Variants in USPL1 observed in about 807,000 individuals in gnomAD.
USPL1 encodes the protein SUMO-specific isopeptidase USPL1.
In USPL1, 27 loss-of-function variants were observed where a neutral mutation model predicts 51.5. The observed-to-expected ratio is 0.52, with a 90% CI of 0.39 to 0.72. USPL1 has a LOEUF of 0.72. Among genes scored for constraint, USPL1 ranks in the 30% least tolerant of loss-of-function variants. The pLI is 0.00. For synonymous variants in USPL1, 451 were observed against 459.6 expected, an observed-to-expected ratio of 0.98 and a Z score of 0.24; for missense variants, 1,226 against 1,268.0, an observed-to-expected ratio of 0.97 and a Z score of 0.50.
intron 2 of USPL1, 121 bp from the exon 3 acceptor site, chr13:30,621,643 C>A (rs1950648252): frequency 2.7e-6 from 2 of 750,038 alleles, no homozygotes; most frequent in Non-Finnish European, 3.8e-6. Context: ...TTTAAAATAC[C>A]TTGTCAGGAT....
rs896787454 is a variant in USPL1 at position 30,648,904 on chromosome 13, C to T, written c.1238+1847C>T. Among the ~76,000 whole-genome samples the T allele has an allele frequency of 1.1e-4, 17 of 152,242 alleles. No individual in the cohort carries two copies. The East Asian group carries it at 2.1e-3, about 19-fold the overall frequency. On this transcript the variant is annotated intron_variant, in intron 7 of 8. Transcript: ENST00000255304. ...GCAGAGCATGGGGTCTGCCATCCTGCCTTGGACCATGGCCTGCTTTAGGCT... is the reference window on the plus strand; with the variant it reads ...GCAGAGCATGGGGTCTGCCATCCTGTCTTGGACCATGGCCTGCTTTAGGCT...
chr13:30,639,586 G>T (rs1950920297), intron 5 of USPL1, among the ~76,000 whole-genome samples: 1 of 151,934 alleles, frequency 6.6e-6, no homozygotes, highest in African/African-American at 2.4e-5. Flanking sequence ...TTTATATCAA[G>T]GTGTAATTTA....
chr13:30,631,076 G>C lies in USPL1; in HGVS notation c.470G>C (p.Ser157Thr), dbSNP rs147711019. 8.9e-5 allele frequency: 143 copies of C among 1,614,002 alleles called. 1 individual carries two copies. The highest frequency in any genetic ancestry group is 1.9e-5 in the Non-Finnish European group (23 of 1,180,032). ...DETSSNLPDS[S>T]GQQNPIRTAD... ...ACCTCGTCAAACTTACCTGATAGTAGTGGTCAACAGAATCCAATTAGGACA... is the reference window on the plus strand; with the variant it reads ...ACCTCGTCAAACTTACCTGATAGTACTGGTCAACAGAATCCAATTAGGACA... Residue 157 changes from serine (S) to threonine (T), a missense_variant, in exon 4 of 9, where the codon AGT becomes ACT. Physicochemically the swap from Ser to Thr is moderately conservative, Grantham distance 58 (BLOSUM62 1). Transcript: ENST00000255304.
At chr13:30,651,498 A>G (rs1464414621) in intron 7 of USPL1, among the ~76,000 whole-genome samples, 1 of 152,222 alleles carries the variant, frequency 6.6e-6, no homozygotes, top group East Asian at 1.9e-4. Context: ...GTGGTTTTAC[A>G]TGCGTTATTT....
chr13:30,647,204 C>G (rs1272935233), intron 7 of USPL1, 147 bp downstream of exon 7: 1 of 941,564 alleles, frequency 1.1e-6, no homozygotes, highest in Non-Finnish European at 1.6e-6. Context: ...CTGCCTCGCT[C>G]TATCTGGCCA....
Position 30,631,038 on chromosome 13 carries a change from A to T in USPL1, c.432A>T (p.Glu144Asp). The change falls in exon 4 of 9, where the codon GAA becomes GAT. Residue 144 changes from glutamate (E) to aspartate (D), a missense_variant. Glu to Asp is a conservative substitution (Grantham distance 45). Transcript: ENST00000255304. ...GKVLNSKHNG[E>D]VYDETSSNLP... ...TTTTGAACAGCAAACATAATGGAGAAGTATATGACGAAACCTCGTCAAACT... is the reference window on the plus strand; with the variant it reads ...TTTTGAACAGCAAACATAATGGAGATGTATATGACGAAACCTCGTCAAACT... 1 of 1,614,174 alleles carries T rather than the reference A, an allele frequency of 6.2e-7. No individual in the cohort carries two copies. Among genetic ancestry groups the T allele is most frequent in the Non-Finnish European group, 8.5e-7 (1 of 1,180,046 alleles).
intron 7 of USPL1, 39 bp from the exon 8 acceptor site, chr13:30,653,109 T>A: frequency 3.3e-6 from 5 of 1,538,198 alleles, no homozygotes; most frequent in Non-Finnish European, 4.4e-6. Context: ...ACACATGGCA[T>A]TAAATTTATT....
chr13:30,657,641 G>C lies in USPL1; in HGVS notation c.1564G>C (p.Ala522Pro), dbSNP rs17609459. The change falls in exon 9 of 9, where the codon GCT becomes CCT. Residue 522 changes from alanine (A) to proline (P), a missense_variant. Transcript: ENST00000255304. ...ACTTAAAAAGACTAATGACCAACAC[G>C]CTCTCAGTAATGAGAAACCAGTATC... ...LPLKKTNDQHALSNEKPVSLT... is the reference protein window; with the variant it reads ...LPLKKTNDQHPLSNEKPVSLT... 0.018 allele frequency: 29,341 copies of C among 1,614,146 alleles called. 345 individuals carry two copies. The highest frequency in any genetic ancestry group is 0.031 in the Middle Eastern group (188 of 6,060).
Position 30,631,185 on chromosome 13 carries a change from C to G in USPL1, c.579C>G (p.Val193=), listed in dbSNP as rs377019860. ...ATTKDPATVD[V]SGTGRPSPQN... is the part of the protein sequence containing the mutation. ...CAAAAGATCCTGCTACAGTTGATGT[C>G]TCTGGAACTGGCAGACCTTCCCCTC... Residue 193 remains valine, a synonymous_variant, in exon 4 of 9, where the codon GTC becomes GTG. Coordinates refer to ENST00000255304, the MANE Select transcript of USPL1 (RefSeq NM_005800.5). The G allele has an allele frequency of 6.2e-7, 1 of 1,614,184 alleles. No individual in the cohort carries two copies.
Position 30,659,455 on chromosome 13 carries a change from T to A in USPL1, c.*99T>A. On this transcript the variant is annotated 3_prime_UTR_variant, in exon 9 of 9. Coordinates refer to ENST00000255304, the MANE Select transcript of USPL1 (RefSeq NM_005800.5). ...TTATACACTGGACTTGTGTAATTACTTGTGTAATAACCATGAACAAAATGC... is the reference window on the plus strand; with the variant it reads ...TTATACACTGGACTTGTGTAATTACATGTGTAATAACCATGAACAAAATGC... 9.1e-7 allele frequency: 1 copy of A among 1,093,958 alleles called. No homozygotes were observed. Among genetic ancestry groups the A allele is most frequent in the South Asian group, 1.9e-5 (1 of 53,086 alleles). 67.8% of individuals were successfully genotyped at this position (1,093,958 alleles called of 1,614,324 possible). A position where few individuals can be genotyped will look rare whatever the true frequency, so the allele number is the denominator to read the frequency against.
chr13:30,648,316 A>T (rs182135417), intron 7 of USPL1, among the ~76,000 whole-genome samples: 252 of 152,272 alleles, frequency 1.7e-3, no homozygotes, highest in African/African-American at 5.8e-3. Context: ...CAGATGCTTC[A>T]CAGTTTTTTA....
chr13:30,634,722 T>A (rs145285369), intron 4 of USPL1, among the ~76,000 whole-genome samples: 16 of 152,320 alleles, frequency 1.1e-4, no homozygotes, highest in African/African-American at 3.4e-4. Flanking sequence ...AACAAAGGAA[T>A]GGAAAATTAT....
intron 6 of USPL1, among the ~76,000 whole-genome samples, chr13:30,645,188 C>T (rs1951001545): frequency 6.6e-6 from 1 of 152,178 alleles, no homozygotes; most frequent in African/African-American, 2.4e-5. Flanking sequence ...ATATAAATAA[C>T]CTTGCTGATT....
intron 7 of USPL1, 55 bp from the exon 8 acceptor site, chr13:30,653,093 A>C (rs1241134571): frequency 2.1e-5 from 31 of 1,503,390 alleles, no homozygotes; most frequent in Non-Finnish European, 2.7e-5. Context: ...TCTTTTGTAT[A>C]ATCAGACACA....
chr13:30,623,642 T>A (rs1950672982), intron 3 of USPL1, among the ~76,000 whole-genome samples: 1 of 152,182 alleles, frequency 6.6e-6, no homozygotes, highest in African/African-American at 2.4e-5. Flanking sequence ...CATACTATTG[T>A]GGTGACTTAG....
chr13:30,632,757 G>A (rs967543164), intron 4 of USPL1, among the ~76,000 whole-genome samples: 2 of 152,072 alleles, frequency 1.3e-5, no homozygotes, highest in Non-Finnish European at 2.9e-5. Flanking sequence ...GTGTCTCAGG[G>A]TGTCAGGATA....
Position 30,657,448 on chromosome 13 carries a change from ACTTTCACTT to A in USPL1, c.1397-20_1397-12del. 6.4e-7 allele frequency: 1 copy of A among 1,550,856 alleles called. No homozygotes were observed. The highest frequency in any genetic ancestry group is 1.4e-5 in the African/African-American group (1 of 72,462). ...TAGGATGGTGGTTTTTGAATATCTAACTTTCACTTCTTTCCCATCTTCCAGGAAGTTGGC... is the reference window on the plus strand; with the variant it reads ...TAGGATGGTGGTTTTTGAATATCTAACTTTCCCATCTTCCAGGAAGTTGGC... On this transcript the variant is annotated splice_polypyrimidine_tract_variant and intron_variant, in intron 8 of 8. Coordinates refer to ENST00000255304, the MANE Select transcript of USPL1 (RefSeq NM_005800.5).
rs1566062618 is a variant in USPL1 at position 30,658,409 on chromosome 13, C to T, written c.2332C>T (p.His778Tyr). Residue 778 changes from histidine (H) to tyrosine (Y), a missense_variant, in exon 9 of 9, where the codon CAT (histidine) becomes TAT (tyrosine). Physicochemically the swap from His to Tyr is moderately conservative, Grantham distance 83. Coordinates refer to ENST00000255304, the MANE Select transcript of USPL1 (RefSeq NM_005800.5). ...TTTTATGCCACTCTGTGTTTCAGCT[C>T]ATAATAGAAACACTATAACTGATTT... is the stretch of plus-strand genomic sequence containing the variant. ...ASFMPLCVSAHNRNTITDLQP... is the reference protein window; with the variant it reads ...ASFMPLCVSAYNRNTITDLQP... The T allele has an allele frequency of 1.2e-6, 2 of 1,613,508 alleles. No homozygotes were observed. The highest frequency in any genetic ancestry group is 1.7e-6 in the Non-Finnish European group (2 of 1,180,020).
At chr13:30,637,718 T>A in intron 4 of USPL1, 26 bp from the exon 5 acceptor site, 1 of 1,531,542 alleles carries the variant, frequency 6.5e-7, no homozygotes, top group Non-Finnish European at 9.0e-7. Context: ...GATGAGGAAT[T>A]GATAATGTTC....
Sources: allele counts gnomAD v4.1 joint callset (sites outside exome capture counted in the v4.1 genomes callset), GRCh38; gene constraint gnomAD v4.1.1; transcripts MANE v1.5; gene names NCBI Gene and HGNC (gene_info 2026-07-23, HGNC 2026-07-21).